Variants in GPRC5A observed in about 807,000 individuals in gnomAD.
The protein encoded by GPRC5A is retinoic acid-induced protein 3.
A neutral mutation model predicts 22.5 loss-of-function variants in GPRC5A; 19 were observed. The observed-to-expected ratio is 0.85, with a 90% confidence interval of 0.59 to 1.24. The LOEUF is 1.24. Ranked by LOEUF, GPRC5A falls within the 50% of genes most tolerant of loss-of-function variation. GPRC5A has a pLI of 0.00. For synonymous variants in GPRC5A, 192 were observed against 184.5 expected, an observed-to-expected ratio of 1.04 and a Z score of -0.33; for missense variants, 471 against 451.1, an observed-to-expected ratio of 1.04 and a Z score of -0.40.
chr12:12,910,915 G>A (rs1314452159), intron 2 of GPRC5A, among the ~76,000 whole-genome samples: 1 of 147,652 alleles, frequency 6.8e-6, no homozygotes, highest in African/African-American at 2.5e-5. Flanking sequence ...CTGTCACCCA[G>A]GCTGGAGTGC....
rs895406234 is a variant in GPRC5A, at chr12:12,917,664, G to A, written c.*5125G>A. ...TGCGTGTAAGCCATGGGAAAGGGAT[G>A]AGGGAGGACAGCTTCTGGTTAAACA... On this transcript the variant is annotated 3_prime_UTR_variant, in exon 4 of 4. Transcript: ENST00000014914. 5 of 152,166 alleles carry A rather than the reference G, an allele frequency of 3.3e-5. No individual in the cohort carries two copies. Among genetic ancestry groups the A allele is most frequent in the Non-Finnish European group, 7.3e-5 (5 of 68,036 alleles). The allele number at this position is 152,166 out of a possible 1,614,324, so 9.4% of individuals were successfully genotyped here.
chr12:12,901,522 G>A (rs1006457215), intron 1 of GPRC5A, among the ~76,000 whole-genome samples: 2 of 151,974 alleles, frequency 1.3e-5, no homozygotes, highest in Admixed American at 6.6e-5. Flanking sequence ...CCCACACACC[G>A]AGCGCCATTC....
At chr12:12,907,405 A>AAAAAAAAG (rs1377869652) in intron 1 of GPRC5A, among the ~76,000 whole-genome samples, 1 of 151,416 alleles carries the variant, frequency 6.6e-6, no homozygotes, top group African/African-American at 2.4e-5. Context: ...TGTCTCAAAA[A>AAAAAAAAG]AAAAAAAAAA....
chr12:12,906,270 T>C (rs1863939991), intron 1 of GPRC5A, among the ~76,000 whole-genome samples: 1 of 152,164 alleles, frequency 6.6e-6, no homozygotes, highest in South Asian at 2.1e-4. Context: ...TATAGAGTGA[T>C]TAGAAGTAAA....
intron 2 of GPRC5A, among the ~76,000 whole-genome samples, chr12:12,910,889 G>A (rs947989014): frequency 1.7e-5 from 1 of 59,378 alleles, no homozygotes; most frequent in Non-Finnish European, 3.4e-5. Flanking sequence ...TTTTTTTTTT[G>A]AGACAGAGTC....
At chr12:12,904,641 T>C (rs978361309) in intron 1 of GPRC5A, among the ~76,000 whole-genome samples, 15 of 152,124 alleles carry the variant, frequency 9.9e-5, no homozygotes, top group African/African-American at 3.1e-4. Flanking sequence ...AAAGTTGAGA[T>C]TGGAGAGCCA....
chr12:12,900,913 A>AAAAAAAAAAAAAAAC (rs372557662), intron 1 of GPRC5A, among the ~76,000 whole-genome samples: 1 of 106,384 alleles, frequency 9.4e-6, no homozygotes, highest in Non-Finnish European at 1.8e-5. Flanking sequence ...AAAAAAAAAA[A>AAAAAAAAAAAAAAAC]CAAAAAAAAA....
At chr12:12,895,365 T>C (rs116369311) in intron 1 of GPRC5A, among the ~76,000 whole-genome samples, 2,103 of 139,712 alleles carry the variant, frequency 0.015, 51 homozygotes, top group African/African-American at 0.049. Flanking sequence ...AGGTATGATA[T>C]AGTTTAGTCT....
chr12:12,901,792 G>C (rs1027016502), intron 1 of GPRC5A, among the ~76,000 whole-genome samples: 2 of 150,566 alleles, frequency 1.3e-5, no homozygotes, highest in African/African-American at 4.9e-5. Context: ...AACCATCCTG[G>C]AGGAAAGGAC....
Position 12,915,993 on chromosome 12 carries a change from G to T in GPRC5A, c.*3454G>T. ...CTCATCTTCAGGTCTCACACCTTCT[G>T]CACATAAATAAGCTATTTTTAAAAG... On this transcript the variant is annotated 3_prime_UTR_variant, in exon 4 of 4. Transcript: ENST00000014914. 2.6e-6 allele frequency: 1 copy of T among 388,604 alleles called. No individual in the cohort carries two copies. 24.1% of individuals were successfully genotyped at this position (388,604 alleles called of 1,614,324 possible).
Position 12,908,616 on chromosome 12 carries a change from G to T in GPRC5A, c.367G>T (p.Val123Phe). 1.2e-6 allele frequency: 2 copies of T among 1,614,020 alleles called. No homozygotes were observed. The highest frequency in any genetic ancestry group is 1.3e-5 in the African/African-American group (1 of 75,020). Residue 123 changes from valine (V) to phenylalanine (F), a missense_variant, in exon 2 of 4, where the codon GTC becomes TTC. Transcript: ENST00000014914. ...LAHAVSLTKL[V>F]RGRKPLSLLV... ...TCATGCTGTCAGTCTGACCAAGCTC[G>T]TCCGGGGGAGGAAGCCCCTTTCCCT...
At chr12:12,895,057 C>T (rs996661718) in intron 1 of GPRC5A, among the ~76,000 whole-genome samples, 2 of 152,032 alleles carry the variant, frequency 1.3e-5, no homozygotes, top group South Asian at 2.1e-4. Context: ...GGATTACAGG[C>T]GTGAGCCACC....
rs749192887 is a variant in GPRC5A at position 12,908,896 on chromosome 12, C to G, written c.647C>G (p.Thr216Arg). 6.2e-7 allele frequency: 1 copy of G among 1,614,142 alleles called. No homozygotes were observed. Among genetic ancestry groups the G allele is most frequent in the Non-Finnish European group, 8.5e-7 (1 of 1,179,988 alleles). The change falls in exon 2 of 4, where the codon ACG (threonine) becomes AGG (arginine). Residue 216 changes from threonine to arginine, a missense_variant. Transcript: ENST00000014914. ...AGACATGGGGCCCACATCTACCTCA[C>G]GATGCTCCTCTCCATTGCCATCTGG... is the stretch of plus-strand genomic sequence containing the variant. ...WKRHGAHIYLTMLLSIAIWVA... is the reference protein window; with the variant it reads ...WKRHGAHIYLRMLLSIAIWVA...
Position 12,911,488 on chromosome 12 carries a change from CTTTTTTT to C in GPRC5A, c.923-588_923-582del, listed in dbSNP as rs985574641. ...AAATGACTGGTTTTTATGACTTTTT[CTTTTTTT>C]TTTTTTTGTTTGAGACAGAGTCTTG... On this transcript the variant is annotated intron_variant, in intron 2 of 3. Coordinates refer to ENST00000014914, the MANE Select transcript of GPRC5A (RefSeq NM_003979.4). Among the ~76,000 whole-genome samples the C allele has an allele frequency of 3.2e-4, 46 of 142,594 alleles. No individual in the cohort carries two copies. In the East Asian group the frequency reaches 8.9e-3, roughly 28 times the overall value. 93.5% of individuals were successfully genotyped at this position (142,594 alleles called of 152,430 possible). A position where few individuals can be genotyped will look rare whatever the true frequency, so the allele number is the denominator to read the frequency against.
intron 1 of GPRC5A, among the ~76,000 whole-genome samples, chr12:12,893,665 G>C (rs1483840108): frequency 6.6e-6 from 1 of 152,210 alleles, no homozygotes; most frequent in Non-Finnish European, 1.5e-5. Context: ...AATCATAATA[G>C]AGTAGAGATG....
intron 1 of GPRC5A, among the ~76,000 whole-genome samples, chr12:12,907,169 C>A (rs1016596115): frequency 6.6e-6 from 1 of 151,920 alleles, no homozygotes; most frequent in African/African-American, 2.4e-5. Context: ...AATGCTCGGC[C>A]TTCTGTAGAA....
chr12:12,907,183 T>TCTA (rs1863950710), intron 1 of GPRC5A, among the ~76,000 whole-genome samples: 1 of 150,610 alleles, frequency 6.6e-6, no homozygotes, highest in Non-Finnish European at 1.5e-5. Context: ...TGTAGAAAAA[T>TCTA]CTGCTATTCA....
chr12:12,893,074 A>G (rs1592345643), intron 1 of GPRC5A, among the ~76,000 whole-genome samples: 1 of 152,214 alleles, frequency 6.6e-6, no homozygotes, highest in African/African-American at 2.4e-5. Flanking sequence ...GAATGAGCAG[A>G]ACCCTTTGGT....
At chr12:12,905,261 G>A (rs916990136) in intron 1 of GPRC5A, among the ~76,000 whole-genome samples, 8 of 152,116 alleles carry the variant, frequency 5.3e-5, no homozygotes, top group Admixed American at 5.2e-4. Flanking sequence ...ATCTTTTCCT[G>A]CTTCCCAACC....
Sources: allele counts gnomAD v4.1 joint callset (sites outside exome capture counted in the v4.1 genomes callset), GRCh38; gene constraint gnomAD v4.1.1; transcripts MANE v1.5; gene names NCBI Gene and HGNC (gene_info 2026-07-23, HGNC 2026-07-21).